The following TMC4 variants were observed in gnomAD, a reference collection of about 807,000 sequenced individuals.
The protein encoded by TMC4 is voltage-gated chloride channel TMC4.
Under a neutral mutation model 82.0 loss-of-function variants are expected in TMC4, and 70 were observed. That is an observed-to-expected ratio of 0.85 (90% CI 0.70 to 1.04). TMC4 has a LOEUF of 1.04. Among genes scored for constraint, TMC4 ranks in the 50% least tolerant of loss-of-function variants. The probability of loss-of-function intolerance (pLI) is 0.00; values close to 1 mark genes in which losing one functional copy is unlikely to be tolerated. For synonymous variants in TMC4, 446 were observed against 406.0 expected (o/e 1.10, Z -1.18); for missense variants, 879 against 899.0 (o/e 0.98, Z 0.28).
rs1405457048 is a variant in TMC4, at chr19:54,168,686, G to C, written c.443-6C>G. On this transcript the variant is annotated splice_polypyrimidine_tract_variant and splice_region_variant and intron_variant, in intron 3 of 14. Coordinates refer to ENST00000619895, the MANE Select transcript of TMC4 (RefSeq NM_144686.4). ...CGTGCCGGCGCCAAACTGGCCTGCA[G>C]GGGGCAGCAGAGAGAGGCTCAGGTT... 3 of 1,498,678 alleles carry C rather than the reference G, an allele frequency of 2.0e-6. No homozygotes were observed. The highest frequency in any genetic ancestry group is 3.8e-4 in the Middle Eastern group (2 of 5,318). The allele number at this position is 1,498,678 out of a possible 1,614,324, so 92.8% of individuals were successfully genotyped here. A position where few individuals can be genotyped will look rare whatever the true frequency, so the allele number is the denominator to read the frequency against.
rs1400918679 is a variant in TMC4, at chr19:54,162,560, A to G, written c.1502+113T>C. ...AGATCTGCGGACCTAGGGCAAGCAA[A>G]GGGAGCAGGCAGAGGCGGGAATGGT... On this transcript the variant is annotated intron_variant, in intron 10 of 14. Coordinates refer to ENST00000619895, the MANE Select transcript of TMC4 (RefSeq NM_144686.4). The G allele has an allele frequency of 5.6e-6, 5 of 893,692 alleles. No homozygotes were observed. In the African/African-American group the frequency reaches 6.6e-5, roughly 12 times the overall value. 55.4% of individuals were successfully genotyped at this position (893,692 alleles called of 1,614,324 possible).
Position 54,162,299 on chromosome 19 carries a change from C to T in TMC4, c.1503-14G>A, listed in dbSNP as rs1307993099. On this transcript the variant is annotated splice_polypyrimidine_tract_variant and intron_variant, in intron 10 of 14. Transcript: ENST00000619895. ...CCACAGAGGAGCCTGAAGGACGGGG[C>T]GGGGCCGGGCCGGAGTCAGGGGAGT... 4.6e-6 allele frequency: 6 copies of T among 1,301,514 alleles called. No individual in the cohort carries two copies. The highest frequency in any genetic ancestry group is 4.0e-6 in the Non-Finnish European group (4 of 1,010,662). The allele number at this position is 1,301,514 out of a possible 1,614,324, so 80.6% of individuals were successfully genotyped here.
rs1448103413 is a variant in TMC4, at chr19:54,162,242, C to G, written c.1546G>C (p.Gly516Arg). ...LCPGALGRLAGTQEFQVPDEV... is the reference protein window; with the variant it reads ...LCPGALGRLARTQEFQVPDEV... ...TCGGGCACCTGGAACTCTTGGGTCC[C>G]CGCCAGACGACCCAGCGCCCCAGGA... Residue 516 changes from glycine to arginine, a missense_variant, in exon 11 of 15, where the codon GGG becomes CGG. Physicochemically the swap from Gly to Arg is moderately radical, Grantham distance 125. Coordinates refer to ENST00000619895, the MANE Select transcript of TMC4 (RefSeq NM_144686.4). The G allele has an allele frequency of 6.2e-7, 1 of 1,609,008 alleles. No homozygotes were observed. Among genetic ancestry groups the G allele is most frequent in the Admixed American group, 1.7e-5 (1 of 59,314 alleles).
intron 7 of TMC4, 120 bp downstream of exon 7, chr19:54,164,314 T>C: frequency 7.8e-7 from 1 of 1,290,020 alleles, no homozygotes; most frequent in Non-Finnish European, 1.1e-6. Flanking sequence ...GGTCCGAACA[T>C]ACCCTCTCCC....
chr19:54,169,473 A>G (rs1600588407), intron 3 of TMC4, 39 bp downstream of exon 3: 4 of 1,578,094 alleles, frequency 2.5e-6, no homozygotes, highest in Admixed American at 1.8e-5. Flanking sequence ...CCAGGAGTCC[A>G]GGCCCTGCCC....
chr19:54,168,765 G>GCCTT, intron 3 of TMC4, 85 bp from the exon 4 acceptor site: 3 of 617,214 alleles, frequency 4.9e-6, no homozygotes, highest in Non-Finnish European at 7.2e-6. Flanking sequence ...GTCCAGCCGC[G>GCCTT]CCTTCCTTTC....
chr19:54,161,458 C>G (rs1348112908), intron 11 of TMC4, among the ~76,000 whole-genome samples, 198 bp from the exon 12 acceptor site: 1 of 150,442 alleles, frequency 6.6e-6, no homozygotes, highest in Non-Finnish European at 1.5e-5. Context: ...AAGCTATTCT[C>G]GTGTCTCAGC....
Position 54,169,536 on chromosome 19 carries a change from C to G in TMC4, c.418G>C (p.Ala140Pro). The G allele has an allele frequency of 1.2e-6, 2 of 1,613,570 alleles. No homozygotes were observed. The highest frequency in any genetic ancestry group is 1.7e-6 in the Non-Finnish European group (2 of 1,179,976). ...KEGLRSLQPW[A>P]WTLKRIGGQF... is the part of the protein sequence containing the mutation. ...CCCCCGATCCTCTTCAGTGTCCACG[C>G]CCAGGGCTGCAGGCTTCGCAAGCCT... The change falls in exon 3 of 15, where the codon GCG (alanine) becomes CCG (proline). Residue 140 changes from alanine (A) to proline (P), a missense_variant. Physicochemically the swap from Ala to Pro is conservative, Grantham distance 27. Coordinates refer to ENST00000619895, the MANE Select transcript of TMC4 (RefSeq NM_144686.4).
rs111257478 is a variant in TMC4 at position 54,170,110 on chromosome 19, A to T, written c.294-450T>A. On this transcript the variant is annotated intron_variant, in intron 2 of 14. Coordinates refer to ENST00000619895, the MANE Select transcript of TMC4 (RefSeq NM_144686.4). ...AGTGAGATTCCAAGAAAGGAAAGAA[A>T]GAAAGAAAAGAAAGAAACCTAATGC... Among the ~76,000 whole-genome samples the T allele has an allele frequency of 3.8e-3, 573 of 152,158 alleles. 6 individuals are homozygous for T. The highest frequency in any genetic ancestry group is 0.013 in the African/African-American group (560 of 41,492).
chr19:54,162,487 T>C lies in TMC4; in HGVS notation c.1502+186A>G, dbSNP rs951066029. On this transcript the variant is annotated intron_variant, in intron 10 of 14. Transcript: ENST00000619895. ...AGAAGGGACCCAGATGTCGCCGCCG[T>C]CGGGGCCAGAGGGAAGTAACCCACT... Among the ~76,000 whole-genome samples, 3 of 148,840 alleles carry C rather than the reference T, an allele frequency of 2.0e-5. No individual in the cohort carries two copies. The South Asian group carries it at 6.4e-4, about 32-fold the overall frequency.
intron 10 of TMC4, 142 bp downstream of exon 10, chr19:54,162,531 G>T: frequency 2.7e-6 from 2 of 753,816 alleles, no homozygotes; most frequent in Non-Finnish European, 4.5e-6. Context: ...GGCGGGGAGC[G>T]GGGAGATCTG....
At chr19:54,169,370 C>A in intron 3 of TMC4, 142 bp downstream of exon 3, 1 of 1,135,968 alleles carries the variant, frequency 8.8e-7, no homozygotes, top group Non-Finnish European at 1.2e-6. Flanking sequence ...AGTCCAGACC[C>A]CCAGCCCCTC....
chr19:54,172,099 G>C lies in TMC4; in HGVS notation c.80-16C>G. The C allele has an allele frequency of 6.5e-7, 1 of 1,526,924 alleles. No homozygotes were observed. The highest frequency in any genetic ancestry group is 1.4e-5 in the African/African-American group (1 of 71,410). 94.6% of individuals were successfully genotyped at this position (1,526,924 alleles called of 1,614,324 possible). On this transcript the variant is annotated splice_polypyrimidine_tract_variant and intron_variant, in intron 1 of 14. Coordinates refer to ENST00000619895, the MANE Select transcript of TMC4 (RefSeq NM_144686.4). Reference sequence around the variant, plus strand: ...AGCGATGGGCCTGGGGAGGAGCAGGGGGCTGGGAAGACCCGGGAGTCTGGG... The same window carrying C: ...AGCGATGGGCCTGGGGAGGAGCAGGCGGCTGGGAAGACCCGGGAGTCTGGG...
rs764517885 is a variant in TMC4, at chr19:54,164,425, C to G, written c.1113+9G>C. On this transcript the variant is annotated intron_variant, in intron 7 of 14. Coordinates refer to ENST00000619895, the MANE Select transcript of TMC4 (RefSeq NM_144686.4). ...ACCCCCTGGCTTCCTCTTCCAAGAC[C>G]GTCCGCACCTGCAGCTCCACGGTGC... 11 of 1,605,960 alleles carry G rather than the reference C, an allele frequency of 6.8e-6. No homozygotes were observed. Among genetic ancestry groups the G allele is most frequent in the East Asian group, 2.2e-5 (1 of 44,702 alleles).
Position 54,169,507 on chromosome 19 carries a change from CG to C in TMC4, c.442+4del. Reference sequence around the variant, plus strand: ...CCCCAGGACACCACCCAAACCCCACCGCACCCCCGATCCTCTTCAGTGTCCA... The same window carrying C: ...CCCCAGGACACCACCCAAACCCCACCCACCCCCGATCCTCTTCAGTGTCCA... On this transcript the variant is annotated splice_donor_region_variant and intron_variant, in intron 3 of 14. Transcript: ENST00000619895. 2 of 1,610,990 alleles carry C rather than the reference CG, an allele frequency of 1.2e-6. No individual in the cohort carries two copies.
chr19:54,164,648 G>A, intron 6 of TMC4, 47 bp from the exon 7 acceptor site: 2 of 1,604,532 alleles, frequency 1.2e-6, no homozygotes, highest in African/African-American at 1.3e-5. Flanking sequence ...CCCAAGGCGC[G>A]GGCCTCCCGG....
intron 14 of TMC4, 32 bp from the exon 15 acceptor site, chr19:54,160,406 C>T (rs959812663): frequency 1.3e-6 from 2 of 1,583,984 alleles, no homozygotes; most frequent in African/African-American, 1.4e-5. Flanking sequence ...GTGAGACAAT[C>T]CTCTTCCCCA....
intron 3 of TMC4, 47 bp downstream of exon 3, chr19:54,169,465 A>T (rs768915268): frequency 6.5e-7 from 1 of 1,529,692 alleles, no homozygotes; most frequent in Non-Finnish European, 8.8e-7. Flanking sequence ...CCTCAGACCC[A>T]GGAGTCCAGG....
chr19:54,163,042 TTTGTAA>T lies in TMC4; in HGVS notation c.1389_1394del (p.Asn463_Tyr464del). 2 of 1,614,016 alleles carry T rather than the reference TTTGTAA, an allele frequency of 1.2e-6. No homozygotes were observed. The highest frequency in any genetic ancestry group is 1.7e-6 in the Non-Finnish European group (2 of 1,180,000). ...CCCATGCCGTTCTCACCGGAAGTTGTTTGTAATTGTAGCCACAGGTTTTGCAGTCCT... is the reference window on the plus strand; with the variant it reads ...CCCATGCCGTTCTCACCGGAAGTTGTTTGTAGCCACAGGTTTTGCAGTCCT... On this transcript the variant is annotated inframe_deletion, in exon 9 of 15. Coordinates refer to ENST00000619895, the MANE Select transcript of TMC4 (RefSeq NM_144686.4).
Sources: gnomAD v4.1 joint callset for allele counts (sites outside exome capture counted in the v4.1 genomes callset) on GRCh38, gnomAD v4.1.1 for gene constraint, MANE v1.5 for transcripts, NCBI Gene and HGNC (gene_info 2026-07-23, HGNC 2026-07-21) for gene names.